Variants in CLCN7 observed in about 807,000 individuals in gnomAD.
The protein encoded by CLCN7 is Cl-/H+ antiporter 7, also known as H(+)/Cl(-) exchange transporter 7.
In CLCN7, 60 loss-of-function variants were observed where a neutral mutation model predicts 102.1. That is an observed-to-expected ratio of 0.59 (90% CI 0.48 to 0.73). CLCN7 has a LOEUF of 0.73. Ranked by LOEUF, CLCN7 falls within the 30% of genes least tolerant of loss-of-function variation. The pLI is 0.00. For synonymous variants in CLCN7, 560 were observed against 490.5 expected, an observed-to-expected ratio of 1.14 and a Z score of -1.87; for missense variants, 962 against 1,125.7, an observed-to-expected ratio of 0.85 and a Z score of 2.08.
chr16:1,447,042 GC>G lies in CLCN7; in HGVS notation c.2294del (p.Gly765AlafsTer18). On this transcript the variant is annotated frameshift_variant, in exon 24 of 25. Coordinates refer to ENST00000382745, the MANE Select transcript of CLCN7 (RefSeq NM_001287.6). LOFTEE classifies it high-confidence loss of function. ...PRVFKLFRAL[G>X]LRHLVVVDNR... ...TGTCCACCACCACCAGGTGCCGCAG[GC>G]CCAGGGCCCGGAACAGCTTGAACAC... 6.2e-7 allele frequency: 1 copy of G among 1,602,598 alleles called. No homozygotes were observed.
At position 1,455,116 on chromosome 16, in the gene CLCN7, G is replaced by T; in HGVS notation, c.1098+18C>A. On this transcript the variant is annotated intron_variant, in intron 12 of 24. Coordinates refer to ENST00000382745, the MANE Select transcript of CLCN7 (RefSeq NM_001287.6). Reference sequence around the variant, plus strand: ...ACCAGGATACGAGGTGGGCGAGGTGGGCGATGGGGCAGGTTACCTCCGAGT... The same window carrying T: ...ACCAGGATACGAGGTGGGCGAGGTGTGCGATGGGGCAGGTTACCTCCGAGT... The T allele has an allele frequency of 7.1e-7, 1 of 1,414,120 alleles. No individual in the cohort carries two copies. The highest frequency in any genetic ancestry group is 1.0e-6 in the Non-Finnish European group (1 of 997,358). 87.6% of individuals were successfully genotyped at this position (1,414,120 alleles called of 1,614,324 possible). A position where few individuals can be genotyped will look rare whatever the true frequency, so the allele number is the denominator to read the frequency against.
In CLCN7 at chr16:1,453,818, T is replaced by C. The variant is rs1294544872; in HGVS notation, c.1214+16A>G. The C allele has an allele frequency of 6.2e-6, 10 of 1,612,706 alleles. No individual in the cohort carries two copies. The highest frequency in any genetic ancestry group is 2.2e-5 in the East Asian group (1 of 44,886). ...CCACGCCTGCCAACGCGATATGCAA[T>C]GCGGTTTCTCCTCACCTGATTCGAA... On this transcript the variant is annotated intron_variant, in intron 14 of 24. Coordinates refer to ENST00000382745, the MANE Select transcript of CLCN7 (RefSeq NM_001287.6).
chr16:1,474,876 C>T lies in CLCN7; in HGVS notation c.99G>A (p.Gly33=), dbSNP rs955486757. 2.8e-6 allele frequency: 4 copies of T among 1,443,628 alleles called. No homozygotes were observed. The highest frequency in any genetic ancestry group is 3.6e-6 in the Non-Finnish European group (4 of 1,099,990). The allele number at this position is 1,443,628 out of a possible 1,614,324, so 89.4% of individuals were successfully genotyped here. The change falls in exon 1 of 25, where the codon GGG becomes GGA. Residue 33 remains glycine (G), a synonymous_variant. Transcript: ENST00000382745. ...LLRRTARPGG[G]TPLLNGAGPG... is the part of the protein sequence containing the mutation. Reference sequence around the variant, plus strand: ...GCCCAGCCCCGTTCAGCAGCGGCGTCCCCCCGCCGGGCCGCGCCGTCCTCC... The same window carrying T: ...GCCCAGCCCCGTTCAGCAGCGGCGTTCCCCCGCCGGGCCGCGCCGTCCTCC...
At position 1,457,744 on chromosome 16, in the gene CLCN7, T is replaced by C. The variant is rs759347236; in HGVS notation, c.688A>G (p.Lys230Glu). The stretch of plus-strand genomic sequence containing the variant: ...ACGGACAGGATCACACCGGACACTT[T>C]GATCACCAACGTCTGAAACACAGGG... ...HVVRLKTLVI[K>E]VSGVILSVVG... The change falls in exon 8 of 25, where the codon AAA becomes GAA. Residue 230 changes from lysine to glutamate, a missense_variant. Physicochemically the swap from Lys to Glu is moderately conservative, Grantham distance 56 (BLOSUM62 1). Around this residue, in one of 2 missense-constraint regions of CLCN7, gnomAD observed 799 missense variants for 988.0 expected, o/e 0.81. Transcript: ENST00000382745. This position sits in a 1 kb window ranked among gnomAD's most constrained non-coding sequence, Gnocchi z 5.4. 1 of 1,613,776 alleles carries C rather than the reference T, an allele frequency of 6.2e-7. No homozygotes were observed. The highest frequency in any genetic ancestry group is 1.3e-5 in the African/African-American group (1 of 74,938).
chr16:1,449,310 G>A lies in CLCN7; in HGVS notation c.1635C>T (p.Gly545=). The change falls in exon 18 of 25, where the codon GGC becomes GGT. Residue 545 remains glycine, a synonymous_variant. Coordinates refer to ENST00000382745, the MANE Select transcript of CLCN7 (RefSeq NM_001287.6). ...CAGCAGCTCCCATCAGGGCGTATTT[G>A]CCGGGGTCCGCCCAGATCTGTGGGA... ...LTGAAIWADP[G]KYALMGAAAQ... 1 of 1,586,668 alleles carries A rather than the reference G, an allele frequency of 6.3e-7. No homozygotes were observed. The highest frequency in any genetic ancestry group is 8.6e-7 in the Non-Finnish European group (1 of 1,166,912).
chr16:1,470,690 C>G lies in CLCN7; in HGVS notation c.141+4144G>C, dbSNP rs529602351. On this transcript the variant is annotated intron_variant, in intron 1 of 24. Coordinates refer to ENST00000382745, the MANE Select transcript of CLCN7 (RefSeq NM_001287.6). The stretch of plus-strand genomic sequence containing the variant: ...GACTTCCTGGAGGCCAGAAAAGAAC[C>G]AAGGGGCACTTCCTCAAGTACAGCA... Among the ~76,000 whole-genome samples the G allele has an allele frequency of 4.6e-5, 7 of 152,288 alleles. No individual in the cohort carries two copies. In the South Asian group the frequency reaches 1.0e-3, roughly 23 times the overall value.
intron 1 of CLCN7, among the ~76,000 whole-genome samples, chr16:1,467,257 G>A (rs2039017939): frequency 6.6e-6 from 1 of 152,218 alleles, no homozygotes; most frequent in Admixed American, 6.5e-5. Flanking sequence ...AGGGGAGAGT[G>A]TGGGAGGGGC....
At chr16:1,462,438 C>T (rs1188447133) in intron 2 of CLCN7, among the ~76,000 whole-genome samples, 3 of 137,160 alleles carry the variant, frequency 2.2e-5, no homozygotes, top group East Asian at 2.2e-4. Context: ...TGCAGTGACG[C>T]GATCTCAACT....
At chr16:1,474,474 G>A in intron 1 of CLCN7, 2 of 342,276 alleles carry the variant, frequency 5.8e-6, no homozygotes, top group Non-Finnish European at 1.1e-5. Context: ...AAAGTCACCT[G>A]AACAGAAAGC....
rs1211229449 is a variant in CLCN7 at position 1,454,474 on chromosome 16, A to G, written c.1099-9T>C. 6.2e-7 allele frequency: 1 copy of G among 1,613,174 alleles called. No homozygotes were observed. The highest frequency in any genetic ancestry group is 8.5e-7 in the Non-Finnish European group (1 of 1,179,700). The stretch of plus-strand genomic sequence containing the variant: ...ATCGTGTAGGCCATTTTCTGTGCAG[A>G]GAGAGGGAGAAGGCAGAGGATGTGA... On this transcript the variant is annotated splice_polypyrimidine_tract_variant and intron_variant, in intron 12 of 24. Coordinates refer to ENST00000382745, the MANE Select transcript of CLCN7 (RefSeq NM_001287.6).
intron 2 of CLCN7, among the ~76,000 whole-genome samples, chr16:1,463,827 T>G (rs8050227): frequency 1.3e-5 from 2 of 151,676 alleles, no homozygotes; most frequent in African/African-American, 2.4e-5. Context: ...CAGGCTGAAG[T>G]GCAGTGGCAC....
rs566115230 is a variant in CLCN7 at position 1,465,433 on chromosome 16, C to A, written c.142-95G>T. On this transcript the variant is annotated intron_variant, in intron 1 of 24. Coordinates refer to ENST00000382745, the MANE Select transcript of CLCN7 (RefSeq NM_001287.6). ...GCCGCCGCACCCTGGCCTCGCCTGACCCTGCCCGGGAGCTCAGGAATGGGC... is the reference window on the plus strand; with the variant it reads ...GCCGCCGCACCCTGGCCTCGCCTGAACCTGCCCGGGAGCTCAGGAATGGGC... 2.2e-4 allele frequency: 258 copies of A among 1,158,544 alleles called. No homozygotes were observed. In the African/African-American group the frequency reaches 3.6e-3, roughly 16 times the overall value. 71.8% of individuals were successfully genotyped at this position (1,158,544 alleles called of 1,614,324 possible). A position where few individuals can be genotyped will look rare whatever the true frequency, so the allele number is the denominator to read the frequency against.
chr16:1,471,336 T>C (rs938887957), intron 1 of CLCN7, among the ~76,000 whole-genome samples: 27 of 152,314 alleles, frequency 1.8e-4, no homozygotes, highest in African/African-American at 5.8e-4. Flanking sequence ...CCAGTTCTCA[T>C]GTTCACTGGA....
intron 1 of CLCN7, among the ~76,000 whole-genome samples, chr16:1,472,344 C>T (rs556425198): frequency 1.5e-4 from 23 of 152,102 alleles, no homozygotes; most frequent in Non-Finnish European, 3.1e-4. Flanking sequence ...GATTCTCCTG[C>T]CTCAGCCTCC....
chr16:1,464,016 C>A (rs1647159175), intron 2 of CLCN7, among the ~76,000 whole-genome samples: 1 of 152,152 alleles, frequency 6.6e-6, no homozygotes, highest in Non-Finnish European at 1.5e-5. Flanking sequence ...CTCAATGAAT[C>A]CATCTGCTTC....
In CLCN7 at chr16:1,457,255, T is replaced by A; in HGVS notation, c.821A>T (p.Lys274Met). 1.2e-6 allele frequency: 2 copies of A among 1,613,906 alleles called. No homozygotes were observed. Among genetic ancestry groups the A allele is most frequent in the Non-Finnish European group, 1.7e-6 (2 of 1,179,912 alleles). Residue 274 changes from lysine (K) to methionine (M), a missense_variant and splice_region_variant, in exon 9 of 25, where the codon AAG (lysine) becomes ATG (methionine). Transcript: ENST00000382745. This position sits in a 1 kb window ranked among gnomAD's most constrained non-coding sequence, Gnocchi z 5.4. Reference sequence around the variant, plus strand: ...CACCCACACAAGATTTCAACTCACCTTGAAATCTCGTTTCAGTGACGTTGA... The same window carrying A: ...CACCCACACAAGATTTCAACTCACCATGAAATCTCGTTTCAGTGACGTTGA... ...GRSTSLKRDFKIFEYFRRDTE... is the reference protein window; with the variant it reads ...GRSTSLKRDFMIFEYFRRDTE...
chr16:1,446,083 C>G lies in CLCN7; in HGVS notation c.*548G>C, dbSNP rs999364830. 6.8e-6 allele frequency: 4 copies of G among 589,982 alleles called. No individual in the cohort carries two copies. In the African/African-American group the frequency reaches 7.5e-5, roughly 11 times the overall value. The allele number at this position is 589,982 out of a possible 1,614,324, so 36.5% of individuals were successfully genotyped here. On this transcript the variant is annotated 3_prime_UTR_variant, in exon 25 of 25. Coordinates refer to ENST00000382745, the MANE Select transcript of CLCN7 (RefSeq NM_001287.6). Reference sequence around the variant, plus strand: ...GCCAGTGTGAAGCTGCTCTCCGGGGCGGTCGCAGCCTCCAAACCCTGGTGC... The same window carrying G: ...GCCAGTGTGAAGCTGCTCTCCGGGGGGGTCGCAGCCTCCAAACCCTGGTGC...
intron 1 of CLCN7, among the ~76,000 whole-genome samples, chr16:1,466,386 A>T (rs555707850): frequency 6.6e-6 from 1 of 152,320 alleles, no homozygotes; most frequent in Admixed American, 6.5e-5. Context: ...TGGTGATAGA[A>T]CGGCAGGTGA....
intron 2 of CLCN7, among the ~76,000 whole-genome samples, chr16:1,464,264 G>A (rs1250950259): frequency 6.6e-6 from 1 of 152,210 alleles, no homozygotes; most frequent in African/African-American, 2.4e-5. Flanking sequence ...CAACACGCGT[G>A]TGGCCGGCCA....
Sources: gnomAD v4.1 joint callset for allele counts (sites outside exome capture counted in the v4.1 genomes callset) on GRCh38, gnomAD v4.1.1 for gene constraint, gnomAD v4.1.1 regional missense constraint, Gnocchi (gnomAD v3.1) non-coding constraint, MANE v1.5 for transcripts, NCBI Gene and HGNC (gene_info 2026-07-23, HGNC 2026-07-21) for gene names.